GPC6: variants seen among roughly 807,000 people sequenced by gnomAD.
GPC6 encodes glypican 6, also known as glypican-6.
In GPC6, 14 loss-of-function variants were observed where a neutral mutation model predicts 55.2. The observed-to-expected ratio is 0.25, with a 90% CI of 0.17 to 0.40. GPC6 has a LOEUF of 0.40. Among genes scored for constraint, GPC6 ranks in the 10% least tolerant of loss-of-function variants. The probability of loss-of-function intolerance (pLI) is 1.00; values close to 1 mark genes in which losing one functional copy is unlikely to be tolerated. For missense variants in GPC6, 641 were observed against 708.5 expected, an observed-to-expected ratio of 0.90 and a Z score of 1.08; for synonymous variants, 278 against 259.6, an observed-to-expected ratio of 1.07 and a Z score of -0.68.
intron 4 of GPC6, among the ~76,000 whole-genome samples, chr13:94,134,686 C>A (rs1887120672): frequency 6.6e-6 from 1 of 152,116 alleles, no homozygotes. Context: ...TATTCATCAT[C>A]TTAGCAGAGA....
intron 1 of GPC6, among the ~76,000 whole-genome samples, chr13:93,436,230 A>T (rs984963212): frequency 6.6e-6 from 1 of 152,152 alleles, no homozygotes; most frequent in East Asian, 1.9e-4. Flanking sequence ...ATGGAGGAAA[A>T]AATGTCATTG....
intron 1 of GPC6, among the ~76,000 whole-genome samples, chr13:93,354,073 G>A (rs78040849): frequency 0.016 from 2,390 of 152,194 alleles, 52 homozygotes; most frequent in African/African-American, 0.051. Flanking sequence ...GAACTAAGAA[G>A]CAAGAAAATG....
In GPC6 at chr13:93,699,014, C is replaced by A. The variant is rs532509450; in HGVS notation, c.320-131140C>A. 2.0e-5 allele frequency among the ~76,000 whole-genome samples: 3 copies of A among 152,162 alleles called. No homozygotes were observed. The South Asian group carries it at 6.2e-4, about 32-fold the overall frequency. ...AACTGAAAAGCTAAATGTTTCAGCA[C>A]AACTTTTAATGGGAACGAAGTAGAA... On this transcript the variant is annotated intron_variant, in intron 2 of 8. Coordinates refer to ENST00000377047, the MANE Select transcript of GPC6 (RefSeq NM_005708.5).
chr13:93,555,518 T>A (rs2139449702), intron 2 of GPC6, among the ~76,000 whole-genome samples: 1 of 152,298 alleles, frequency 6.6e-6, no homozygotes. Flanking sequence ...GAATTCTCAT[T>A]ATCCATTAAC....
At chr13:93,259,899 A>G (rs1380401841) in intron 1 of GPC6, among the ~76,000 whole-genome samples, 6 of 152,144 alleles carry the variant, frequency 3.9e-5, no homozygotes, top group African/African-American at 1.4e-4. Context: ...ATATCTCATT[A>G]TTCATGTTGT....
chr13:93,741,045 A>G (rs1385714201), intron 2 of GPC6, among the ~76,000 whole-genome samples: 1 of 151,392 alleles, frequency 6.6e-6, no homozygotes, highest in Admixed American at 6.6e-5. Context: ...CAAATAATGT[A>G]CCTAATATAT....
At chr13:93,884,306 AT>A (rs1875191385) in intron 3 of GPC6, among the ~76,000 whole-genome samples, 1 of 152,074 alleles carries the variant, frequency 6.6e-6, no homozygotes, top group Non-Finnish European at 1.5e-5. Flanking sequence ...TCATATGCCT[AT>A]CGTTTCTGTA....
chr13:93,286,440 C>G (rs1878128338), intron 1 of GPC6, among the ~76,000 whole-genome samples: 1 of 152,118 alleles, frequency 6.6e-6, no homozygotes, highest in Non-Finnish European at 1.5e-5. Flanking sequence ...TAATTTGAGG[C>G]AGAACAAAGC....
intron 2 of GPC6, among the ~76,000 whole-genome samples, chr13:93,721,098 A>T (rs144123161): frequency 3.7e-4 from 56 of 152,000 alleles, no homozygotes; most frequent in African/African-American, 1.3e-3. Context: ...CAGAGCTTGA[A>T]TTCAAGTTCT....
At chr13:93,565,739 T>C (rs1876068216) in intron 2 of GPC6, among the ~76,000 whole-genome samples, 1 of 151,908 alleles carries the variant, frequency 6.6e-6, no homozygotes, top group African/African-American at 2.4e-5. Context: ...CTGACCAACA[T>C]AGTGAAACCC....
At chr13:93,337,578 G>C (rs1020926237) in intron 1 of GPC6, among the ~76,000 whole-genome samples, 2 of 152,016 alleles carry the variant, frequency 1.3e-5, no homozygotes, top group Non-Finnish European at 2.9e-5. Flanking sequence ...GGATATGGTA[G>C]AGGCTCTATA....
At chr13:93,320,643 A>G (rs946338737) in intron 1 of GPC6, among the ~76,000 whole-genome samples, 1 of 151,880 alleles carries the variant, frequency 6.6e-6, no homozygotes, top group Non-Finnish European at 1.5e-5. Context: ...TTATATATAT[A>G]TATATACACA....
At chr13:93,753,042 AAG>A (rs1884651359) in intron 2 of GPC6, among the ~76,000 whole-genome samples, 1 of 152,200 alleles carries the variant, frequency 6.6e-6, no homozygotes, top group Non-Finnish European at 1.5e-5. Context: ...AAGCTACTGA[AAG>A]AGCCTGAGTA....
At chr13:93,261,925 TACACACACACACACACACAC>T (rs34841808) in intron 1 of GPC6, among the ~76,000 whole-genome samples, 1 of 144,518 alleles carries the variant, frequency 6.9e-6, no homozygotes, top group Non-Finnish European at 1.5e-5. Context: ...TCTCTCCCTC[TACACACACACACACACACAC>T]ACACACACAC....
At chr13:93,456,274 G>A (rs1409912529) in intron 1 of GPC6, among the ~76,000 whole-genome samples, 1 of 152,020 alleles carries the variant, frequency 6.6e-6, no homozygotes, top group Non-Finnish European at 1.5e-5. Flanking sequence ...AATGGCCTCC[G>A]AGAAAGTTGA....
chr13:93,728,892 A>G (rs1218634445), intron 2 of GPC6, among the ~76,000 whole-genome samples: 2 of 152,088 alleles, frequency 1.3e-5, no homozygotes, highest in Non-Finnish European at 2.9e-5. Context: ...AATTTATTGT[A>G]TGTTGAGGCA....
intron 3 of GPC6, among the ~76,000 whole-genome samples, chr13:94,007,007 C>A (rs1165814446): frequency 6.6e-6 from 1 of 152,160 alleles, no homozygotes. Context: ...TTAGTTCCCT[C>A]CTTAGTCACT....
intron 1 of GPC6, among the ~76,000 whole-genome samples, chr13:93,318,893 C>T (rs1314564391): frequency 6.6e-6 from 1 of 152,240 alleles, no homozygotes; most frequent in Admixed American, 6.5e-5. Flanking sequence ...ATAGCTTTCC[C>T]TGCATGAACA....
chr13:93,790,703 A>G (rs1886003271), intron 2 of GPC6, among the ~76,000 whole-genome samples: 1 of 152,222 alleles, frequency 6.6e-6, no homozygotes, highest in Non-Finnish European at 1.5e-5. Context: ...CAAGTAAGAC[A>G]CAGTCCTAAA....
Sources: gnomAD v4.1 joint callset for allele counts (sites outside exome capture counted in the v4.1 genomes callset) on GRCh38, gnomAD v4.1.1 for gene constraint, MANE v1.5 for transcripts, NCBI Gene and HGNC (gene_info 2026-07-23, HGNC 2026-07-21) for gene names.